Variants in FREM2 observed in about 807,000 individuals in gnomAD.
FREM2 encodes the protein FRAS1 related extracellular matrix 2.
Under a neutral mutation model 219.9 loss-of-function variants are expected in FREM2, and 119 were observed. That is an observed-to-expected ratio of 0.54 (90% confidence interval 0.47 to 0.63). The LOEUF is 0.63. FREM2 is among the 30% of genes least tolerant of loss of function. The probability of loss-of-function intolerance (pLI) is 0.00; values close to 1 mark genes in which losing one functional copy is unlikely to be tolerated. For synonymous variants in FREM2, 1,562 were observed against 1,522.8 expected, an observed-to-expected ratio of 1.03 and a Z score of -0.60; for missense variants, 4,030 against 3,993.6, an observed-to-expected ratio of 1.01 and a Z score of -0.25.
In FREM2 at chr13:38,700,842, G is replaced by C. The variant is rs140588074; in HGVS notation, c.5263+3055G>C. On this transcript the variant is annotated intron_variant, in intron 2 of 23. Transcript: ENST00000280481. Reference sequence around the variant, plus strand: ...AACTTTCTAGGAATGTTTAATAGATGTGAGTGAAGTCAGAGTAGGATCTGC... The same window carrying C: ...AACTTTCTAGGAATGTTTAATAGATCTGAGTGAAGTCAGAGTAGGATCTGC... Among the ~76,000 whole-genome samples the C allele has an allele frequency of 2.6e-4, 39 of 152,200 alleles. No individual in the cohort carries two copies. In the East Asian group the frequency reaches 7.0e-3, roughly 27 times the overall value.
intron 2 of FREM2, among the ~76,000 whole-genome samples, chr13:38,723,092 G>C (rs1871362359): frequency 6.6e-6 from 1 of 151,946 alleles, no homozygotes; most frequent in Non-Finnish European, 1.5e-5. Flanking sequence ...AAAATTAGCT[G>C]CATGTGGTGG....
chr13:38,743,831 G>A (rs2442355), intron 2 of FREM2, among the ~76,000 whole-genome samples: 152,288 of 152,302 alleles, frequency 1, 76,137 homozygotes, highest in Non-Finnish European at 1. Flanking sequence ...CGTCCCTAGC[G>A]TCAGCATAGT....
At chr13:38,846,465 A>T in intron 6 of FREM2, 108 bp from the exon 7 acceptor site, 1 of 1,118,808 alleles carries the variant, frequency 8.9e-7, no homozygotes, top group Non-Finnish European at 1.3e-6. Context: ...GTATGATGAT[A>T]TAAGGAAGTC....
chr13:38,844,851 C>T lies in FREM2; in HGVS notation c.6020-1722C>T, dbSNP rs553133676. Among the ~76,000 whole-genome samples the T allele has an allele frequency of 1.2e-4, 19 of 152,288 alleles. 1 individual carries two copies. Among genetic ancestry groups the T allele is most frequent in the Admixed American group, 1.2e-3 (19 of 15,294 alleles). On this transcript the variant is annotated intron_variant, in intron 6 of 23. Transcript: ENST00000280481. ...GACTTACAGATGTGCCTGGTTTGGCCATCTGGTCAGAAGATACATTTTCAG... is the reference window on the plus strand; with the variant it reads ...GACTTACAGATGTGCCTGGTTTGGCTATCTGGTCAGAAGATACATTTTCAG...
At position 38,767,453 on chromosome 13, in the gene FREM2, T is replaced by C. The variant is rs142921752; in HGVS notation, c.5411-2125T>C. 2.1e-3 allele frequency among the ~76,000 whole-genome samples: 327 copies of C among 152,330 alleles called. 1 individual carries two copies. Among genetic ancestry groups the C allele is most frequent in the African/African-American group, 7.6e-3 (316 of 41,566 alleles). On this transcript the variant is annotated intron_variant, in intron 3 of 23. Coordinates refer to ENST00000280481, the MANE Select transcript of FREM2 (RefSeq NM_207361.6). ...ACTAGTTGGAACTAGCAGACATTCA[T>C]TGTATCACACTTACTCAATTTTTAT...
intron 4 of FREM2, among the ~76,000 whole-genome samples, chr13:38,771,007 A>G (rs1873641260): frequency 6.6e-6 from 1 of 152,178 alleles, no homozygotes; most frequent in Non-Finnish European, 1.5e-5. Context: ...TTATTTTGTC[A>G]GTCAGAAAAC....
chr13:38,810,323 C>T (rs1875426555), intron 6 of FREM2, among the ~76,000 whole-genome samples: 1 of 151,572 alleles, frequency 6.6e-6, no homozygotes, highest in Non-Finnish European at 1.5e-5. Flanking sequence ...TTTCCCTTGC[C>T]TGATTGTTCT....
chr13:38,709,801 T>C (rs1295159772), intron 2 of FREM2, among the ~76,000 whole-genome samples: 1 of 151,356 alleles, frequency 6.6e-6, no homozygotes, highest in African/African-American at 2.4e-5. Context: ...ACCCTTAAAC[T>C]GCTTATTATT....
In FREM2 at chr13:38,691,027, C is replaced by G; in HGVS notation, c.3683C>G (p.Thr1228Ser). ...GTTCCCCTGGATGATTTAACTTTCA[C>G]TATTACCCAATTCCCCACTCATGGT... is the stretch of plus-strand genomic sequence containing the variant. Reference protein sequence around the residue: ...ADVPLDDLTFTITQFPTHGHI... With the variant: ...ADVPLDDLTFSITQFPTHGHI... Residue 1228 changes from threonine (T) to serine (S), a missense_variant, in exon 1 of 24, where the codon ACT (threonine) becomes AGT (serine). Physicochemically the swap from Thr to Ser is moderately conservative, Grantham distance 58 (BLOSUM62 1). Transcript: ENST00000280481. 6.2e-7 allele frequency: 1 copy of G among 1,614,134 alleles called. No homozygotes were observed. The highest frequency in any genetic ancestry group is 8.5e-7 in the Non-Finnish European group (1 of 1,180,018).
Position 38,882,747 on chromosome 13 carries a change from A to G in FREM2, c.*1960A>G, listed in dbSNP as rs1345473663. The G allele has an allele frequency of 6.6e-6, 1 of 152,150 alleles. No homozygotes were observed. The highest frequency in any genetic ancestry group is 2.4e-5 in the African/African-American group (1 of 41,424). The allele number at this position is 152,150 out of a possible 1,614,324, so 9.4% of individuals were successfully genotyped here. ...CTTCTTTGGCTACCTCATAATTTGT[A>G]TGGGAATGAACATGAATTAGGGAAC... On this transcript the variant is annotated 3_prime_UTR_variant, in exon 24 of 24. Transcript: ENST00000280481.
intron 2 of FREM2, among the ~76,000 whole-genome samples, chr13:38,753,134 G>GT (rs1872845491): frequency 6.6e-6 from 1 of 151,406 alleles, no homozygotes; most frequent in East Asian, 1.9e-4. Context: ...TTAACTCTTG[G>GT]TAAAGCAGTT....
chr13:38,692,046 C>T lies in FREM2; in HGVS notation c.4702C>T (p.Leu1568=), dbSNP rs558845582. 2.2e-4 allele frequency: 362 copies of T among 1,614,188 alleles called. 1 individual carries two copies. The highest frequency in any genetic ancestry group is 2.6e-4 in the Non-Finnish European group (311 of 1,180,036). Residue 1568 remains leucine (L), a synonymous_variant, in exon 1 of 24, where the codon CTG becomes TTG. Transcript: ENST00000280481. ...VEDRDTPDKL[L]KFTITQVPIH... ...AGACAGAGATACTCCTGACAAGCTC[C>T]TGAAATTCACTATCACCCAGGTGCC...
At position 38,864,415 on chromosome 13, in the gene FREM2, G is replaced by A; in HGVS notation, c.7792G>A (p.Asp2598Asn). 2 of 1,614,140 alleles carry A rather than the reference G, an allele frequency of 1.2e-6. No individual in the cohort carries two copies. Among genetic ancestry groups the A allele is most frequent in the South Asian group, 1.1e-5 (1 of 91,082 alleles). ...EVKTHYGFLT[D>N]ATKNPEIIGE... ...GAAGACTCATTATGGTTTCTTGACT[G>A]ATGCTACCAAAAATCCAGAAATAAT... The change falls in exon 16 of 24, where the codon GAT (aspartate) becomes AAT (asparagine). Residue 2598 changes from aspartate (D) to asparagine (N), a missense_variant. Asp to Asn is a conservative substitution (Grantham distance 23, BLOSUM62 1). Transcript: ENST00000280481.
intron 6 of FREM2, among the ~76,000 whole-genome samples, chr13:38,826,034 C>T (rs1056635045): frequency 1.3e-5 from 2 of 152,084 alleles, no homozygotes; most frequent in African/African-American, 4.8e-5. Flanking sequence ...ACTCTTTAAA[C>T]ACAAACCATC....
intron 6 of FREM2, among the ~76,000 whole-genome samples, chr13:38,808,434 C>T (rs1875337833): frequency 6.6e-6 from 1 of 151,994 alleles, no homozygotes; most frequent in Non-Finnish European, 1.5e-5. Flanking sequence ...CAGTTTTTGA[C>T]ATACCTTCCT....
chr13:38,694,923 G>A (rs897784770), intron 1 of FREM2, among the ~76,000 whole-genome samples: 10 of 152,214 alleles, frequency 6.6e-5, no homozygotes, highest in Non-Finnish European at 1.3e-4. Flanking sequence ...CCAGTTTCAG[G>A]AAAGCAGAAA....
chr13:38,746,057 A>G (rs964511383), intron 2 of FREM2, among the ~76,000 whole-genome samples: 1 of 152,208 alleles, frequency 6.6e-6, no homozygotes, highest in African/African-American at 2.4e-5. Flanking sequence ...CTCAGGGAAC[A>G]CAGTGGAAAT....
At chr13:38,868,666 G>A (rs549117866) in intron 16 of FREM2, among the ~76,000 whole-genome samples, 174 of 152,326 alleles carry the variant, frequency 1.1e-3, no homozygotes, top group African/African-American at 4.1e-3. Flanking sequence ...TGGTAAAACG[G>A]TGCAAATCCA....
Position 38,865,831 on chromosome 13 carries a change from G to T in FREM2, c.7983+1225G>T, listed in dbSNP as rs57347878. Among the ~76,000 whole-genome samples the T allele has an allele frequency of 6.9e-3, 1,049 of 152,288 alleles. 7 individuals carry two copies. The highest frequency in any genetic ancestry group is 0.024 in the African/African-American group (997 of 41,546). On this transcript the variant is annotated intron_variant, in intron 16 of 23. Coordinates refer to ENST00000280481, the MANE Select transcript of FREM2 (RefSeq NM_207361.6). Reference sequence around the variant, plus strand: ...ATCAAGCAAATGCTGACCAAAATTTGGCTCTGATAGTTTCTAGCTGTATGT... The same window carrying T: ...ATCAAGCAAATGCTGACCAAAATTTTGCTCTGATAGTTTCTAGCTGTATGT...
Sources: gnomAD v4.1 joint callset for allele counts (sites outside exome capture counted in the v4.1 genomes callset) on GRCh38, gnomAD v4.1.1 for gene constraint, MANE v1.5 for transcripts, NCBI Gene and HGNC (gene_info 2026-07-23, HGNC 2026-07-21) for gene names.